Variants in U2SURP observed in about 807,000 individuals in gnomAD.
U2SURP encodes U2 snRNP associated SURP domain containing.
U2SURP carries 9 observed loss-of-function variants against 144.9 expected under a neutral mutation model. The observed-to-expected ratio is 0.06, with a 90% CI of 0.04 to 0.11. U2SURP has a LOEUF of 0.11. Ranked by LOEUF, U2SURP falls within the 10% of genes least tolerant of loss-of-function variation. U2SURP has a pLI of 1.00. For synonymous variants in U2SURP, 408 were observed against 396.8 expected, an observed-to-expected ratio of 1.03 and a Z score of -0.33; for missense variants, 724 against 1,226.7, an observed-to-expected ratio of 0.59 and a Z score of 6.12.
At chr3:143,038,059 C>T (rs761928862) in intron 21 of U2SURP, 49 bp from the exon 22 acceptor site, 5 of 1,359,270 alleles carry the variant, frequency 3.7e-6, no homozygotes, top group South Asian at 1.4e-5. Context: ...TGTAATACTT[C>T]GGGTCATCCA....
At chr3:143,020,852 A>G (rs1936594327) in intron 8 of U2SURP, among the ~76,000 whole-genome samples, 159 bp downstream of exon 8, 2 of 152,378 alleles carry the variant, frequency 1.3e-5, no homozygotes, top group South Asian at 4.1e-4. Context: ...GTAAAAATTA[A>G]TTTGTAAATT....
chr3:143,033,032 C>T lies in U2SURP; in HGVS notation c.1773+86C>T, dbSNP rs184476109. On this transcript the variant is annotated intron_variant, in intron 17 of 27. Transcript: ENST00000473835. ...TTTCCTTTTTGCACAAAGCACTTGACTGATGAGATTTTTCCCATGCAGTCT... is the reference window on the plus strand; with the variant it reads ...TTTCCTTTTTGCACAAAGCACTTGATTGATGAGATTTTTCCCATGCAGTCT... 254 of 1,432,688 alleles carry T rather than the reference C, an allele frequency of 1.8e-4. 2 individuals carry two copies. In the East Asian group the frequency reaches 5.0e-3, roughly 28 times the overall value. The allele number at this position is 1,432,688 out of a possible 1,614,324, so 88.7% of individuals were successfully genotyped here. A position where few individuals can be genotyped will look rare whatever the true frequency, so the allele number is the denominator to read the frequency against.
intron 20 of U2SURP, chr3:143,036,763 C>G (rs1485095379): frequency 1.2e-5 from 2 of 160,276 alleles, no homozygotes; most frequent in Non-Finnish European, 2.7e-5. Context: ...TTAGCCTTCT[C>G]TGACCTCTTT....
chr3:143,022,485 C>T lies in U2SURP; in HGVS notation c.853-12C>T, dbSNP rs1480998925. Reference sequence around the variant, plus strand: ...TTTTTGCATAATAAAAATCTTTTACCCTTTTTAATAGATGAATGAAGAAAT... The same window carrying T: ...TTTTTGCATAATAAAAATCTTTTACTCTTTTTAATAGATGAATGAAGAAAT... On this transcript the variant is annotated splice_polypyrimidine_tract_variant and intron_variant, in intron 10 of 27. Coordinates refer to ENST00000473835, the MANE Select transcript of U2SURP (RefSeq NM_001080415.2). The T allele has an allele frequency of 1.3e-6, 2 of 1,490,374 alleles. No homozygotes were observed. The highest frequency in any genetic ancestry group is 1.8e-6 in the Non-Finnish European group (2 of 1,115,702). 92.3% of individuals were successfully genotyped at this position (1,490,374 alleles called of 1,614,324 possible). A position where few individuals can be genotyped will look rare whatever the true frequency, so the allele number is the denominator to read the frequency against.
intron 1 of U2SURP, among the ~76,000 whole-genome samples, chr3:143,009,411 A>G (rs190938918): frequency 6.6e-6 from 1 of 152,128 alleles, no homozygotes; most frequent in East Asian, 1.9e-4. Flanking sequence ...CAGCCTGGCC[A>G]ACGTGGTAAA....
chr3:143,019,850 T>G, intron 6 of U2SURP, 119 bp from the exon 7 acceptor site: 1 of 449,104 alleles, frequency 2.2e-6, no homozygotes, highest in East Asian at 3.7e-5. Context: ...TCTTCCTTTT[T>G]AATTTAAATA....
rs780876116 is a variant in U2SURP, at chr3:143,032,831, A to C, written c.1658A>C (p.Lys553Thr). 6.2e-7 allele frequency: 1 copy of C among 1,613,612 alleles called. No homozygotes were observed. The highest frequency in any genetic ancestry group is 8.5e-7 in the Non-Finnish European group (1 of 1,179,664). Residue 553 changes from lysine to threonine, a missense_variant, in exon 17 of 28, where the codon AAA (lysine) becomes ACA (threonine). Lys to Thr is a moderately conservative substitution (Grantham distance 78, BLOSUM62 -1). Around this residue, in one of 13 missense-constraint regions of U2SURP, gnomAD observed 66 missense variants for 95.0 expected, o/e 0.69. Coordinates refer to ENST00000473835, the MANE Select transcript of U2SURP (RefSeq NM_001080415.2). The part of the protein sequence containing the change: ...EEILRGLTPR[K>T]NDIGDAMVFC... ...ATCTTGCGGGGATTAACTCCAAGGA[A>C]AAATGATATTGGAGATGCAATGGTT... is the stretch of plus-strand genomic sequence containing the variant.
chr3:143,048,502 CATCTT>C (rs1347567695), intron 24 of U2SURP, among the ~76,000 whole-genome samples: 1 of 152,140 alleles, frequency 6.6e-6, no homozygotes, highest in Non-Finnish European at 1.5e-5. Flanking sequence ...CTCAGCCTTA[CATCTT>C]ATCTTTTTAA....
intron 26 of U2SURP, 73 bp downstream of exon 26, chr3:143,053,867 C>A: frequency 8.3e-7 from 1 of 1,210,708 alleles, no homozygotes; most frequent in Non-Finnish European, 1.1e-6. Flanking sequence ...ATACTTTCAT[C>A]ATTGATGCCC....
intron 19 of U2SURP, among the ~76,000 whole-genome samples, 193 bp downstream of exon 19, chr3:143,035,168 A>G (rs1933744398): frequency 6.6e-6 from 1 of 152,190 alleles, no homozygotes; most frequent in Non-Finnish European, 1.5e-5. Flanking sequence ...CTATTTTGTC[A>G]GGTTTAATTT....
intron 6 of U2SURP, among the ~76,000 whole-genome samples, chr3:143,018,927 A>AAAACAAAC (rs370695478): frequency 6.6e-6 from 1 of 152,152 alleles, no homozygotes; most frequent in Non-Finnish European, 1.5e-5. Context: ...CTCCATCTCA[A>AAAACAAAC]AAACAAACAA....
At chr3:143,030,520 T>A (rs1246142992) in intron 16 of U2SURP, among the ~76,000 whole-genome samples, 1 of 152,238 alleles carries the variant, frequency 6.6e-6, no homozygotes, top group Non-Finnish European at 1.5e-5. Context: ...ATGTACCTGA[T>A]CACTGAAGAT....
rs1935279523 is a variant in U2SURP at position 143,059,265 on chromosome 3, C to T, written c.*2815C>T. 1 of 152,264 alleles carries T rather than the reference C, an allele frequency of 6.6e-6. No homozygotes were observed. Among genetic ancestry groups the T allele is most frequent in the African/African-American group, 2.4e-5 (1 of 41,410 alleles). 9.4% of individuals were successfully genotyped at this position (152,264 alleles called of 1,614,324 possible). A position where few individuals can be genotyped will look rare whatever the true frequency, so the allele number is the denominator to read the frequency against. ...GCTCAGAATGTTTTTGGCTTTTCTGCTAAAGATGGCAGAAATTACTCTACA... is the reference window on the plus strand; with the variant it reads ...GCTCAGAATGTTTTTGGCTTTTCTGTTAAAGATGGCAGAAATTACTCTACA... On this transcript the variant is annotated 3_prime_UTR_variant, in exon 28 of 28. Transcript: ENST00000473835.
At chr3:143,006,655 T>C (rs1163212813) in intron 1 of U2SURP, among the ~76,000 whole-genome samples, 7 of 152,014 alleles carry the variant, frequency 4.6e-5, no homozygotes, top group Admixed American at 4.6e-4. Flanking sequence ...GGCAGGAGAA[T>C]CGCTTGAACC....
At chr3:143,035,901 C>A (rs1933785321) in intron 19 of U2SURP, 81 bp from the exon 20 acceptor site, 2 of 1,418,694 alleles carry the variant, frequency 1.4e-6, no homozygotes, top group Non-Finnish European at 1.9e-6. Context: ...TTTAGCAAAT[C>A]TTGATGATCA....
intron 1 of U2SURP, among the ~76,000 whole-genome samples, chr3:143,006,691 G>A (rs1156842975): frequency 6.6e-6 from 1 of 152,072 alleles, no homozygotes; most frequent in Non-Finnish European, 1.5e-5. Flanking sequence ...GCCGAGAGCC[G>A]AGATCATGCC....
intron 16 of U2SURP, 97 bp from the exon 17 acceptor site, chr3:143,032,687 G>A (rs1173794200): frequency 9.4e-7 from 1 of 1,066,448 alleles, no homozygotes; most frequent in Non-Finnish European, 1.4e-6. Flanking sequence ...ATTATTTTAT[G>A]TGAGTAGGTT....
chr3:143,048,773 A>G (rs894654049), intron 24 of U2SURP, among the ~76,000 whole-genome samples: 26 of 152,058 alleles, frequency 1.7e-4, no homozygotes, highest in African/African-American at 6.0e-4. Context: ...AGGCTGAGGC[A>G]GGAGAATTGC....
Position 143,037,183 on chromosome 3 carries a change from T to C in U2SURP, c.2069T>C (p.Val690Ala). Residue 690 changes from valine to alanine, a missense_variant, in exon 21 of 28, where the codon GTT becomes GCT. By Grantham distance (64) the Val-to-Ala change is moderately conservative (BLOSUM62 0). Around this residue, in one of 13 missense-constraint regions of U2SURP, gnomAD observed 116 missense variants for 167.9 expected, o/e 0.69. Coordinates refer to ENST00000473835, the MANE Select transcript of U2SURP (RefSeq NM_001080415.2). ...TAATAGTACACATTTCCATAGGATG[T>C]TCCAGATGACCTTGATGGTGCCCCC... Reference protein sequence around the residue: ...NIIEEKETEDVPDDLDGAPIE... With the variant: ...NIIEEKETEDAPDDLDGAPIE... The C allele has an allele frequency of 1.9e-6, 3 of 1,611,004 alleles. No individual in the cohort carries two copies. The highest frequency in any genetic ancestry group is 3.3e-4 in the Middle Eastern group (2 of 6,058).
Sources: gnomAD v4.1 joint callset for allele counts (sites outside exome capture counted in the v4.1 genomes callset) on GRCh38, gnomAD v4.1.1 for gene constraint, gnomAD v4.1.1 regional missense constraint, MANE v1.5 for transcripts, NCBI Gene and HGNC (gene_info 2026-07-23, HGNC 2026-07-21) for gene names.